Variants in GRIK5 observed in about 807,000 individuals in gnomAD.
GRIK5 encodes the protein glutamate receptor ionotropic, kainate 5.
GRIK5 carries 43 observed loss-of-function variants against 97.4 expected under a neutral mutation model. The observed-to-expected ratio is 0.44, with a 90% CI of 0.35 to 0.57. The LOEUF is 0.57. Ranked by LOEUF, GRIK5 falls within the 20% of genes least tolerant of loss-of-function variation. GRIK5 has a pLI of 0.01. For missense variants in GRIK5, 1,015 were observed against 1,382.0 expected (o/e 0.73, Z 4.21); for synonymous variants, 580 against 583.5 (o/e 0.99, Z 0.09).
intron 19 of GRIK5, among the ~76,000 whole-genome samples, chr19:42,000,592 G>A (rs1174964819): frequency 6.6e-6 from 1 of 152,212 alleles, no homozygotes; most frequent in African/African-American, 2.4e-5. Flanking sequence ...TGGAGCTGAA[G>A]TTGCAGACCT....
At chr19:42,054,162 T>G in intron 9 of GRIK5, among the ~76,000 whole-genome samples, 158 bp downstream of exon 9, 1 of 149,924 alleles carries the variant, frequency 6.7e-6, no homozygotes, top group South Asian at 2.1e-4. Flanking sequence ...AGAGAGAGAG[T>G]AACCCAGATA....
intron 1 of GRIK5, among the ~76,000 whole-genome samples, chr19:42,068,307 T>C (rs1237274694): frequency 6.6e-6 from 1 of 151,856 alleles, no homozygotes; most frequent in Non-Finnish European, 1.5e-5. Flanking sequence ...CACTCAGGAA[T>C]GCCGTGTGGG....
At chr19:42,040,553 T>C (rs2075965108) in intron 12 of GRIK5, among the ~76,000 whole-genome samples, 1 of 152,164 alleles carries the variant, frequency 6.6e-6, no homozygotes, top group Admixed American at 6.6e-5. Context: ...CTCTTTGGGC[T>C]TCAGGCTTTA....
intron 11 of GRIK5, among the ~76,000 whole-genome samples, chr19:42,047,989 A>AG (rs1164111858): frequency 1.3e-5 from 2 of 151,562 alleles, no homozygotes; most frequent in South Asian, 2.1e-4. Context: ...AAAAAAAAAA[A>AG]AAAGAAAAAA....
intron 19 of GRIK5, among the ~76,000 whole-genome samples, chr19:42,000,698 T>C (rs574781045): frequency 2.0e-4 from 31 of 152,274 alleles, no homozygotes; most frequent in African/African-American, 7.0e-4. Flanking sequence ...CCTCTGACAC[T>C]GTGTCAGAGC....
In GRIK5 at chr19:42,003,646, C is replaced by G. The variant is rs1193001897; in HGVS notation, c.2301G>C (p.Leu767=). ...PFRDEITLAI[L]QLQENNRLEI... ...CCAGCCGGTTGTTCTCCTGAAGCTG[C>G]AGGATGGCCAGTGTGATCTCATCCC... Residue 767 remains leucine (L), a synonymous_variant, in exon 18 of 20, where the codon CTG becomes CTC. Coordinates refer to ENST00000593562, the MANE Select transcript of GRIK5 (RefSeq NM_002088.5). The surrounding 1 kb of genome is among the most constrained non-coding windows in gnomAD (Gnocchi z 4.2). The G allele has an allele frequency of 6.2e-7, 1 of 1,613,636 alleles. No individual in the cohort carries two copies. Among genetic ancestry groups the G allele is most frequent in the Non-Finnish European group, 8.5e-7 (1 of 1,179,768 alleles).
chr19:42,001,896 T>G, intron 19 of GRIK5: 1 of 549,936 alleles, frequency 1.8e-6, no homozygotes, highest in South Asian at 2.6e-5. Flanking sequence ...ATCATTCAAG[T>G]AGTGGAGAAA....
rs1018979271 is a variant in GRIK5, at chr19:42,055,305, G to A, written c.904-833C>T. Among the ~76,000 whole-genome samples, 8 of 152,322 alleles carry A rather than the reference G, an allele frequency of 5.3e-5. No homozygotes were observed. The East Asian group carries it at 5.8e-4, about 11-fold the overall frequency. On this transcript the variant is annotated intron_variant, in intron 8 of 19. Transcript: ENST00000593562. ...CACAAATGTGCCTCTGTGTTGGGGT[G>A]TGTGATGTCCCTGTGTGGACACATC... is the stretch of plus-strand genomic sequence containing the variant.
chr19:42,022,951 G>C lies in GRIK5; in HGVS notation c.1474-597C>G, dbSNP rs1296077113. ...CCAAAGCACAACCCTGGATGAAGGA[G>C]GGATGGCCCAGGCCCAAAACTTCAG... On this transcript the variant is annotated intron_variant, in intron 12 of 19. Transcript: ENST00000593562. This position sits in a 1 kb window ranked among gnomAD's most constrained non-coding sequence, Gnocchi z 4.2. Among the ~76,000 whole-genome samples, 1 of 152,090 alleles carries C rather than the reference G, an allele frequency of 6.6e-6. No individual in the cohort carries two copies. The highest frequency in any genetic ancestry group is 2.4e-5 in the African/African-American group (1 of 41,416).
At chr19:42,005,060 G>T (rs1275905205) in intron 17 of GRIK5, among the ~76,000 whole-genome samples, 1 of 152,004 alleles carries the variant, frequency 6.6e-6, no homozygotes, top group Non-Finnish European at 1.5e-5. Flanking sequence ...ACTAATACAG[G>T]TGTCATCAGT....
At chr19:42,043,836 C>T (rs113161159) in intron 11 of GRIK5, among the ~76,000 whole-genome samples, 10 of 152,148 alleles carry the variant, frequency 6.6e-5, no homozygotes, top group Admixed American at 1.3e-4. Context: ...TGCTTGAGCC[C>T]GAGTTTGAGG....
chr19:42,040,866 T>C (rs1201521696), intron 12 of GRIK5, among the ~76,000 whole-genome samples: 3 of 151,646 alleles, frequency 2.0e-5, no homozygotes, highest in Non-Finnish European at 2.9e-5. Flanking sequence ...GGAGACTCTG[T>C]CTCCAAAATA....
chr19:42,040,755 G>A (rs964659256), intron 12 of GRIK5, among the ~76,000 whole-genome samples: 1 of 152,282 alleles, frequency 6.6e-6, no homozygotes, highest in South Asian at 2.1e-4. Flanking sequence ...TCGGAAGGCC[G>A]AGGCAGGAGA....
chr19:42,042,590 C>CGT lies in GRIK5; in HGVS notation c.1433_1434dup (p.Gly479ThrfsTer40), dbSNP rs2075991228. On this transcript the variant is annotated frameshift_variant, in exon 12 of 20. Transcript: ENST00000593562. LOFTEE classifies it high-confidence loss of function. This position sits in a 1 kb window ranked among gnomAD's most constrained non-coding sequence, Gnocchi z 6.9. ...TCGCCAACCATGCCCGTCCAGGAGC[C>CGT]GTTGGGCTCGGGCGCCCCGTACAGC... is the stretch of plus-strand genomic sequence containing the variant. 1 of 1,612,008 alleles carries CGT rather than the reference C, an allele frequency of 6.2e-7. No individual in the cohort carries two copies. Among genetic ancestry groups the CGT allele is most frequent in the South Asian group, 1.1e-5 (1 of 91,050 alleles).
chr19:42,065,355 G>T lies in GRIK5; in HGVS notation c.112C>A (p.Arg38Ser), dbSNP rs770968396. ...AAGGCCAAGGCCAGACGCTCACCGC[G>T]GCCACACACTGTCTGATCATCCAGG... ...AILDDQTVCGRGERLALALAR... is the reference protein window; with the variant it reads ...AILDDQTVCGSGERLALALAR... The change falls in exon 3 of 20, where the codon CGC becomes AGC. Residue 38 changes from arginine (R) to serine (S), a missense_variant. By Grantham distance (110) the Arg-to-Ser change is moderately radical (BLOSUM62 -1). Coordinates refer to ENST00000593562, the MANE Select transcript of GRIK5 (RefSeq NM_002088.5). This position sits in a 1 kb window ranked among gnomAD's most constrained non-coding sequence, Gnocchi z 5.8. 3 of 1,602,744 alleles carry T rather than the reference G, an allele frequency of 1.9e-6. No homozygotes were observed. The highest frequency in any genetic ancestry group is 1.1e-5 in the South Asian group (1 of 90,576).
At position 42,062,891 on chromosome 19, in the gene GRIK5, A is replaced by AC; in HGVS notation, c.245-37dup. 1 of 1,470,596 alleles carries AC rather than the reference A, an allele frequency of 6.8e-7. No homozygotes were observed. The allele number at this position is 1,470,596 out of a possible 1,614,324, so 91.1% of individuals were successfully genotyped here. ...AGGGGAAGAGACCGCAGAGTCAGGG[A>AC]CCCCCTGCCTCCTCTCCTTCCCCAT... On this transcript the variant is annotated intron_variant, in intron 3 of 19. Coordinates refer to ENST00000593562, the MANE Select transcript of GRIK5 (RefSeq NM_002088.5). The surrounding 1 kb of genome is among the most constrained non-coding windows in gnomAD (Gnocchi z 5.3).
At chr19:42,019,964 G>C (rs2075676991) in intron 15 of GRIK5, among the ~76,000 whole-genome samples, 1 of 151,184 alleles carries the variant, frequency 6.6e-6, no homozygotes, top group East Asian at 1.9e-4. Flanking sequence ...AACAAACAGA[G>C]CTTTCATTGG....
chr19:42,059,301 C>G (rs1277667164), intron 6 of GRIK5, 48 bp downstream of exon 6: 1 of 1,527,176 alleles, frequency 6.5e-7, no homozygotes, highest in Non-Finnish European at 9.0e-7. Context: ...TCGGTCACCC[C>G]AAGTTTCTGG....
Position 42,008,033 on chromosome 19 carries a change from A to T in GRIK5, c.1872-1223T>A, listed in dbSNP as rs577072808. On this transcript the variant is annotated intron_variant, in intron 15 of 19. Transcript: ENST00000593562. The stretch of plus-strand genomic sequence containing the variant: ...CAATGTAAACAATGTCTGTTATGTA[A>T]TTTTTTTTTTTTTCTTGAGACAGAG... Among the ~76,000 whole-genome samples, 225 of 147,048 alleles carry T rather than the reference A, an allele frequency of 1.5e-3. 1 individual carries two copies. The highest frequency in any genetic ancestry group is 5.1e-3 in the African/African-American group (206 of 40,366).
Sources: allele counts gnomAD v4.1 joint callset (sites outside exome capture counted in the v4.1 genomes callset), GRCh38; gene constraint gnomAD v4.1.1; non-coding constraint Gnocchi (gnomAD v3.1); transcripts MANE v1.5; gene names NCBI Gene and HGNC (gene_info 2026-07-23, HGNC 2026-07-21).